Variants in TTC39C observed in about 807,000 individuals in gnomAD.
The protein encoded by TTC39C is tetratricopeptide repeat protein 39C.
In TTC39C, 33 loss-of-function variants were observed where a neutral mutation model predicts 76.3. That is an observed-to-expected ratio of 0.43 (90% CI 0.33 to 0.58). The LOEUF (loss-of-function observed/expected upper bound fraction) is 0.58. TTC39C is among the 20% of genes least tolerant of loss of function. The probability of loss-of-function intolerance (pLI) is 0.04; values close to 1 mark genes in which losing one functional copy is unlikely to be tolerated. For synonymous variants in TTC39C, 254 were observed against 260.6 expected, an observed-to-expected ratio of 0.97 and a Z score of 0.24; for missense variants, 595 against 701.4, an observed-to-expected ratio of 0.85 and a Z score of 1.71.
At chr18:24,116,819 G>GT (rs767138108) in intron 7 of TTC39C, among the ~76,000 whole-genome samples, 46,075 of 95,040 alleles carry the variant, frequency 0.48, 12,940 homozygotes, top group Non-Finnish European at 0.62. Context: ...TGATACCTTA[G>GT]TTTTTTTTTT....
At chr18:24,060,176 C>T (rs776677534) in intron 1 of TTC39C, among the ~76,000 whole-genome samples, 4 of 152,186 alleles carry the variant, frequency 2.6e-5, no homozygotes, top group Admixed American at 6.5e-5. Context: ...TGAACTAATT[C>T]ATACTCCCAC....
intron 8 of TTC39C, among the ~76,000 whole-genome samples, chr18:24,122,035 C>CA (rs1248165587): frequency 1.3e-5 from 2 of 152,150 alleles, no homozygotes; most frequent in Admixed American, 6.5e-5. Flanking sequence ...CTCTTAATCC[C>CA]AGTAGGAGGA....
intron 1 of TTC39C, among the ~76,000 whole-genome samples, chr18:24,016,359 T>C (rs1173012649): frequency 1.3e-5 from 2 of 152,212 alleles, no homozygotes; most frequent in African/African-American, 4.8e-5. Flanking sequence ...TTCTCTTTTG[T>C]AGTTTTTAAG....
chr18:24,014,826 G>C lies in TTC39C; in HGVS notation c.-46G>C. ...TCCGGGCGCGCGCGGGGCCGCAGCA[G>C]CTGCTCCCGATCTCGCCTCGGCCCA... On this transcript the variant is annotated 5_prime_UTR_variant, in exon 1 of 14. Coordinates refer to ENST00000317571, the MANE Select transcript of TTC39C (RefSeq NM_001135993.2). 1 of 1,216,078 alleles carries C rather than the reference G, an allele frequency of 8.2e-7. No individual in the cohort carries two copies. Among genetic ancestry groups the C allele is most frequent in the Non-Finnish European group, 1.0e-6 (1 of 971,284 alleles). 75.3% of individuals were successfully genotyped at this position (1,216,078 alleles called of 1,614,324 possible). A position where few individuals can be genotyped will look rare whatever the true frequency, so the allele number is the denominator to read the frequency against.
chr18:23,998,666 A>G (rs530374184), intron 1 of TTC39C, among the ~76,000 whole-genome samples: 13 of 152,302 alleles, frequency 8.5e-5, no homozygotes, highest in Admixed American at 8.5e-4. Flanking sequence ...AAAAGAAACT[A>G]TAAGAATTTA....
At chr18:23,996,524 G>C (rs2083262828) in intron 1 of TTC39C, among the ~76,000 whole-genome samples, 1 of 152,196 alleles carries the variant, frequency 6.6e-6, no homozygotes, top group Non-Finnish European at 1.5e-5. Context: ...CATAAGGCTG[G>C]AGGAATGAGC....
chr18:24,078,711 G>A, intron 4 of TTC39C, among the ~76,000 whole-genome samples: 1 of 152,218 alleles, frequency 6.6e-6, no homozygotes, highest in East Asian at 1.9e-4. Flanking sequence ...CTTAATGCCA[G>A]AGTTTTTATT....
chr18:24,059,410 A>G (rs1295561604), intron 1 of TTC39C, among the ~76,000 whole-genome samples: 3 of 151,760 alleles, frequency 2.0e-5, no homozygotes, highest in East Asian at 1.9e-4. Flanking sequence ...GTTCCCCTCT[A>G]TGTGTCCATA....
intron 4 of TTC39C, chr18:24,076,932 C>T (rs772612610): frequency 6.6e-6 from 1 of 152,140 alleles, no homozygotes; most frequent in Non-Finnish European, 1.5e-5. Context: ...TTTAGTTCCA[C>T]GTACTCAGGA....
intron 1 of TTC39C, among the ~76,000 whole-genome samples, chr18:24,023,968 A>C (rs1199266705): frequency 0.59 from 17,952 of 30,608 alleles, 5,913 homozygotes; most frequent in Non-Finnish European, 0.76. Flanking sequence ...ATATATATAT[A>C]TATATATATA....
chr18:24,011,488 A>G (rs1182566136), upstream of TTC39C, among the ~76,000 whole-genome samples: 4 of 152,234 alleles, frequency 2.6e-5, no homozygotes, highest in Non-Finnish European at 5.9e-5. Flanking sequence ...CCAAAGTGGC[A>G]AAGCTAAGAG....
upstream of TTC39C, among the ~76,000 whole-genome samples, chr18:24,009,886 T>C (rs183337330): frequency 5.3e-4 from 80 of 152,324 alleles, 1 homozygote; most frequent in Non-Finnish European, 9.1e-4. Context: ...TCCTGGCCCA[T>C]GGTAACTGCT....
At chr18:24,005,483 G>T (rs1464532801) in intron 1 of TTC39C, among the ~76,000 whole-genome samples, 1 of 152,036 alleles carries the variant, frequency 6.6e-6, no homozygotes, top group African/African-American at 2.4e-5. Flanking sequence ...GGTTTAAAAT[G>T]ATTAAAATTC....
chr18:24,079,588 A>G (rs2084350950), intron 4 of TTC39C, among the ~76,000 whole-genome samples: 1 of 152,204 alleles, frequency 6.6e-6, no homozygotes, highest in South Asian at 2.1e-4. Flanking sequence ...TCATAAACCA[A>G]ATAAAGCAAT....
intron 8 of TTC39C, among the ~76,000 whole-genome samples, chr18:24,119,286 A>G (rs1045731236): frequency 1.2e-4 from 19 of 152,204 alleles, no homozygotes; most frequent in African/African-American, 4.6e-4. Context: ...TTCTGCCTCT[A>G]AGCAACTTCA....
chr18:24,082,138 A>G lies in TTC39C; in HGVS notation c.816-775A>G, dbSNP rs185084154. Among the ~76,000 whole-genome samples the G allele has an allele frequency of 2.8e-4, 42 of 150,954 alleles. 1 individual carries two copies. In the East Asian group the frequency reaches 6.8e-3, roughly 25 times the overall value. ...GTCCCGGTTCAAGCAATTCTGCCTC[A>G]GTCTCCCAAGTAGCTAGGATTACAA... On this transcript the variant is annotated intron_variant, in intron 5 of 13. Transcript: ENST00000317571.
intron 5 of TTC39C, among the ~76,000 whole-genome samples, chr18:24,081,626 C>G (rs2084376150): frequency 6.6e-6 from 1 of 152,130 alleles, no homozygotes; most frequent in Admixed American, 6.6e-5. Context: ...CAGCACTTGT[C>G]AAAATTTTCC....
At chr18:24,095,792 C>G (rs1036625348) in intron 6 of TTC39C, among the ~76,000 whole-genome samples, 4 of 152,228 alleles carry the variant, frequency 2.6e-5, no homozygotes, top group Non-Finnish European at 4.4e-5. Context: ...TCTCAGCTTT[C>G]AACATGCCTT....
At chr18:24,092,022 G>A (rs2084523842) in intron 6 of TTC39C, among the ~76,000 whole-genome samples, 1 of 137,530 alleles carries the variant, frequency 7.3e-6, no homozygotes. Context: ...GAACCTTGAA[G>A]GCGGAGCTTG....
Sources: gnomAD v4.1 joint callset for allele counts (sites outside exome capture counted in the v4.1 genomes callset) on GRCh38, gnomAD v4.1.1 for gene constraint, MANE v1.5 for transcripts, NCBI Gene and HGNC (gene_info 2026-07-23, HGNC 2026-07-21) for gene names.